Variants in FRMD1 observed in about 807,000 individuals in gnomAD.
The protein encoded by FRMD1 is FERM domain containing 1, also known as FERM domain-containing protein 1.
In FRMD1, 51 loss-of-function variants were observed where a neutral mutation model predicts 54.9. That is an observed-to-expected ratio of 0.93 (90% CI 0.74 to 1.17). The LOEUF (loss-of-function observed/expected upper bound fraction) is 1.17. Among genes scored for constraint, FRMD1 ranks in the 50% most tolerant of loss-of-function variants. The probability of loss-of-function intolerance (pLI) is 0.00; values close to 1 mark genes in which losing one functional copy is unlikely to be tolerated. For missense variants in FRMD1, 729 were observed against 743.0 expected (o/e 0.98, Z 0.22); for synonymous variants, 324 against 306.4 (o/e 1.06, Z -0.60).
At position 168,087,025 on chromosome 6, in the gene FRMD1, C is replaced by A. The variant is rs537060105; in HGVS notation, c.-11-8001G>T. ...AGCCACTCACCTCTCCCCGCTCACACTCCCTTGGGCCTGGTTTTCAACCAC... is the reference window on the plus strand; with the variant it reads ...AGCCACTCACCTCTCCCCGCTCACAATCCCTTGGGCCTGGTTTTCAACCAC... On this transcript the variant is annotated intron_variant, in intron 1 of 12. Transcript: ENST00000644440. 2.1e-4 allele frequency among the ~76,000 whole-genome samples: 32 copies of A among 152,122 alleles called. 1 individual carries two copies. The highest frequency in any genetic ancestry group is 5.2e-4 in the Admixed American group (8 of 15,288).
chr6:168,065,041 G>A lies in FRMD1; in HGVS notation c.478C>T (p.His160Tyr). Reference sequence around the variant, plus strand: ...TCCTTCAAGTGGCAGTAGTACAGGTGCCGTGCCCTGTGGTCGCTGGAAGGT... The same window carrying A: ...TCCTTCAAGTGGCAGTAGTACAGGTACCGTGCCCTGTGGTCGCTGGAAGGT... ...GRVISDHRAR[H>Y]LYYCHLKERV... The change falls in exon 5 of 11, where the codon CAC becomes TAC. Residue 160 changes from histidine (H) to tyrosine (Y), a missense_variant. By Grantham distance (83) the His-to-Tyr change is moderately conservative. Coordinates refer to ENST00000283309, the MANE Select transcript of FRMD1 (RefSeq NM_024919.6). The A allele has an allele frequency of 6.2e-7, 1 of 1,603,822 alleles. No individual in the cohort carries two copies. The highest frequency in any genetic ancestry group is 1.1e-5 in the South Asian group (1 of 90,866).
At chr6:168,090,083 C>G (rs970249873) in intron 1 of FRMD1, among the ~76,000 whole-genome samples, 1 of 152,098 alleles carries the variant, frequency 6.6e-6, no homozygotes, top group African/African-American at 2.4e-5. Context: ...GGCGGCGTTA[C>G]CCCCAGAACC....
intron 1 of FRMD1, among the ~76,000 whole-genome samples, chr6:168,088,817 A>G (rs1368208980): frequency 2.1e-5 from 1 of 46,838 alleles, no homozygotes; most frequent in Non-Finnish European, 5.5e-5. Flanking sequence ...GTTAACTCTC[A>G]TAAACACATG....
rs953741913 is a variant in FRMD1 at position 168,059,981 on chromosome 6, G to A, written c.1342+780C>T. ...CAGGCTTTCTGATGGGAGGGAAGCT[G>A]GTAGGACAGGGCTTCCTAGGAGTAG... On this transcript the variant is annotated intron_variant, in intron 9 of 10. Coordinates refer to ENST00000283309, the MANE Select transcript of FRMD1 (RefSeq NM_024919.6). This position sits in a 1 kb window ranked among gnomAD's most constrained non-coding sequence, Gnocchi z 4.4. Among the ~76,000 whole-genome samples the A allele has an allele frequency of 1.3e-5, 2 of 151,762 alleles. No individual in the cohort carries two copies. The highest frequency in any genetic ancestry group is 2.9e-5 in the Non-Finnish European group (2 of 67,928).
At chr6:168,072,229 G>A (rs1800343800) in intron 2 of FRMD1, among the ~76,000 whole-genome samples, 1 of 152,190 alleles carries the variant, frequency 6.6e-6, no homozygotes, top group South Asian at 2.1e-4. Flanking sequence ...CCTGCTGGGA[G>A]GGGAGGTCCT....
chr6:168,075,352 G>T lies in FRMD1; in HGVS notation c.214-17C>A. 2 of 1,607,786 alleles carry T rather than the reference G, an allele frequency of 1.2e-6. No homozygotes were observed. Among genetic ancestry groups the T allele is most frequent in the South Asian group, 2.2e-5 (2 of 91,020 alleles). On this transcript the variant is annotated splice_polypyrimidine_tract_variant and intron_variant, in intron 1 of 10. Transcript: ENST00000283309. ...AGCCTTCACCTGCAAAAGAGGTGGG[G>T]AGGGGTTCAGGGAGGGGCCGGCACC...
intron 1 of FRMD1, among the ~76,000 whole-genome samples, chr6:168,087,632 C>T (rs912170981): frequency 1.6e-4 from 24 of 152,184 alleles, no homozygotes; most frequent in African/African-American, 3.9e-4. Flanking sequence ...GTGTGCAATG[C>T]GTGCGCTGGC....
chr6:168,077,290 G>C (rs547270694), intron 1 of FRMD1, among the ~76,000 whole-genome samples: 3 of 151,222 alleles, frequency 2.0e-5, no homozygotes, highest in African/African-American at 7.3e-5. Context: ...ATGGGGGGGG[G>C]TTCTTGTCTA....
chr6:168,067,233 T>G, intron 3 of FRMD1, 134 bp downstream of exon 3: 1 of 636,224 alleles, frequency 1.6e-6, no homozygotes, highest in Non-Finnish European at 2.8e-6. Context: ...TGCCCTGCTC[T>G]CTCCCAACCC....
intron 10 of FRMD1, among the ~76,000 whole-genome samples, chr6:168,058,919 T>C (rs2114949330): frequency 6.6e-6 from 1 of 152,188 alleles, no homozygotes; most frequent in Non-Finnish European, 1.5e-5. Flanking sequence ...CACTCGGCCC[T>C]GAGGCTGAGG....
chr6:168,077,645 G>A (rs963783499), intron 1 of FRMD1, among the ~76,000 whole-genome samples: 3 of 152,256 alleles, frequency 2.0e-5, no homozygotes, highest in Non-Finnish European at 2.9e-5. Context: ...AGGGAGCTCC[G>A]TCAAAAGCAG....
At chr6:168,060,102 G>T (rs1323175457) in intron 9 of FRMD1, among the ~76,000 whole-genome samples, 3 of 80,548 alleles carry the variant, frequency 3.7e-5, no homozygotes, top group South Asian at 6.1e-4. Context: ...TAGGAGTGTG[G>T]GGGGGGCTTC....
At chr6:168,086,531 C>T (rs1800923694), upstream of FRMD1, among the ~76,000 whole-genome samples, 1 of 147,256 alleles carries the variant, frequency 6.8e-6, no homozygotes, top group African/African-American at 2.6e-5. Context: ...CATGTTCCAG[C>T]ATGGACACCC....
At chr6:168,072,777 G>A (rs1220982401) in intron 2 of FRMD1, among the ~76,000 whole-genome samples, 5 of 152,190 alleles carry the variant, frequency 3.3e-5, no homozygotes, top group African/African-American at 1.2e-4. Context: ...GGGTTGGGAC[G>A]CTTGAACTTT....
chr6:168,053,773 G>A lies in FRMD1; in HGVS notation c.*3324C>T, dbSNP rs1414432056. ...GAACCCAGAGTCCATGGGCCACGAC[G>A]GGCTGATGCTCGGCTTGGGAACCAC... On this transcript the variant is annotated 3_prime_UTR_variant, in exon 11 of 11. Coordinates refer to ENST00000283309, the MANE Select transcript of FRMD1 (RefSeq NM_024919.6). 3 of 152,256 alleles carry A rather than the reference G, an allele frequency of 2.0e-5. No individual in the cohort carries two copies. The highest frequency in any genetic ancestry group is 6.5e-5 in the Admixed American group (1 of 15,290). The allele number at this position is 152,256 out of a possible 1,614,324, so 9.4% of individuals were successfully genotyped here. A position where few individuals can be genotyped will look rare whatever the true frequency, so the allele number is the denominator to read the frequency against.
upstream of FRMD1, chr6:168,081,539 C>T (rs1390053980): frequency 5.3e-6 from 8 of 1,515,660 alleles, no homozygotes; most frequent in South Asian, 1.2e-5. Context: ...TGGTTTCCAT[C>T]CTCTATCATG....
intron 2 of FRMD1, among the ~76,000 whole-genome samples, chr6:168,074,643 G>C (rs1433370351): frequency 6.7e-6 from 1 of 149,344 alleles, no homozygotes; most frequent in Non-Finnish European, 1.5e-5. Flanking sequence ...TGTGTGACTG[G>C]TGTGTGTGCA....
rs554261289 is a variant in FRMD1, at chr6:168,053,295, A to C, written c.*3802T>G. 3 of 152,332 alleles carry C rather than the reference A, an allele frequency of 2.0e-5. No individual in the cohort carries two copies. The South Asian group carries it at 6.2e-4, about 32-fold the overall frequency. 9.4% of individuals were successfully genotyped at this position (152,332 alleles called of 1,614,324 possible). On this transcript the variant is annotated 3_prime_UTR_variant, in exon 11 of 11. Coordinates refer to ENST00000283309, the MANE Select transcript of FRMD1 (RefSeq NM_024919.6). ...ACAGCTCGCCGCCGTGAGAACGGTC[A>C]TGGGCCCGGCTGCAGGACCGGCATT... is the stretch of plus-strand genomic sequence containing the variant.
intron 2 of FRMD1, among the ~76,000 whole-genome samples, chr6:168,070,603 G>C (rs1800260288): frequency 6.6e-6 from 1 of 152,148 alleles, no homozygotes; most frequent in Non-Finnish European, 1.5e-5. Context: ...GCAGATTTGA[G>C]ACTTGCCAGC....
Sources: allele counts gnomAD v4.1 joint callset (sites outside exome capture counted in the v4.1 genomes callset), GRCh38; gene constraint gnomAD v4.1.1; non-coding constraint Gnocchi (gnomAD v3.1); transcripts MANE v1.5; gene names NCBI Gene and HGNC (gene_info 2026-07-23, HGNC 2026-07-21).